ATP8B4: variants seen among roughly 807,000 people sequenced by gnomAD.
ATP8B4 encodes probable phospholipid-transporting ATPase IM.
In ATP8B4, 133 loss-of-function variants were observed where a neutral mutation model predicts 145.6. The ratio of observed to expected loss-of-function variants is 0.91; its 90% confidence interval spans 0.79 to 1.05. The LOEUF is 1.05. Ranked by LOEUF, ATP8B4 falls within the 50% of genes least tolerant of loss-of-function variation. ATP8B4 has a pLI of 0.00. For synonymous variants in ATP8B4, 507 were observed against 492.9 expected (o/e 1.03, Z -0.38); for missense variants, 1,458 against 1,425.2 (o/e 1.02, Z -0.37).
chr15:50,036,229 G>A (rs1300134468), intron 6 of ATP8B4, among the ~76,000 whole-genome samples: 1 of 152,148 alleles, frequency 6.6e-6, no homozygotes, highest in Non-Finnish European at 1.5e-5. Flanking sequence ...GAGGAAAGGG[G>A]AAGAAGCCAA....
intron 7 of ATP8B4, among the ~76,000 whole-genome samples, chr15:50,009,035 A>G (rs1420661538): frequency 6.6e-6 from 1 of 152,208 alleles, no homozygotes; most frequent in African/African-American, 2.4e-5. Context: ...GAATGCACAC[A>G]TCTTAGAATT....
intron 1 of ATP8B4, among the ~76,000 whole-genome samples, chr15:50,144,107 G>A (rs2044246339): frequency 6.6e-6 from 1 of 152,192 alleles, no homozygotes; most frequent in African/African-American, 2.4e-5. Context: ...CTAGGTCAGG[G>A]TTGTGCCTTA....
intron 1 of ATP8B4, among the ~76,000 whole-genome samples, chr15:50,116,572 A>AG (rs1244013582): frequency 6.6e-6 from 1 of 152,230 alleles, no homozygotes; most frequent in Admixed American, 6.5e-5. Flanking sequence ...AGTGAAGTCA[A>AG]GGGGGAATGA....
At chr15:49,960,609 T>C (rs1013808185) in intron 14 of ATP8B4, among the ~76,000 whole-genome samples, 25 of 152,182 alleles carry the variant, frequency 1.6e-4, no homozygotes, top group African/African-American at 6.0e-4. Flanking sequence ...GTGCTTTATA[T>C]CTAAGGCATA....
intron 14 of ATP8B4, among the ~76,000 whole-genome samples, chr15:49,937,491 A>G (rs1356411740): frequency 9.2e-5 from 14 of 152,168 alleles, no homozygotes; most frequent in Admixed American, 4.6e-4. Flanking sequence ...ATAGTTCACA[A>G]TATTTAAGGA....
rs2040147615 is a variant in ATP8B4 at position 49,920,373 on chromosome 15, G to T, written c.1796C>A (p.Ala599Glu). 1 of 1,614,056 alleles carries T rather than the reference G, an allele frequency of 6.2e-7. No homozygotes were observed. Among genetic ancestry groups the T allele is most frequent in the Admixed American group, 1.7e-5 (1 of 60,006 alleles). Residue 599 changes from alanine (A) to glutamate (E), a missense_variant, in exon 18 of 28, where the codon GCA (alanine) becomes GAA (glutamate). Coordinates refer to ENST00000284509, the MANE Select transcript of ATP8B4 (RefSeq NM_024837.4). ...GTACTTGTCATCCAGGTCTCTGTAT[G>T]CGATGGCCAAGGTCCGAAGGCCTTC... ...AGEGLRTLAI[A>E]YRDLDDKYFK... is the part of the protein sequence containing the mutation.
intron 20 of ATP8B4, among the ~76,000 whole-genome samples, chr15:49,913,396 T>C (rs1433642141): frequency 6.6e-6 from 1 of 152,076 alleles, no homozygotes; most frequent in African/African-American, 2.4e-5. Context: ...AATCCATATA[T>C]GACACCCACA....
intron 26 of ATP8B4, among the ~76,000 whole-genome samples, chr15:49,864,441 C>G (rs1024815842): frequency 6.6e-6 from 1 of 152,200 alleles, no homozygotes; most frequent in African/African-American, 2.4e-5. Context: ...ATGTTGGTCA[C>G]TGCGCATCTC....
intron 6 of ATP8B4, among the ~76,000 whole-genome samples, chr15:50,029,247 A>AAAAAAAAAAAC: frequency 6.7e-6 from 1 of 149,472 alleles, no homozygotes; most frequent in African/African-American, 2.5e-5. Flanking sequence ...TTAAAAAAAA[A>AAAAAAAAAAAC]AAAAAAAAAA....
intron 15 of ATP8B4, 107 bp from the exon 16 acceptor site, chr15:49,931,414 T>C: frequency 1.8e-6 from 2 of 1,091,446 alleles, no homozygotes; most frequent in Non-Finnish European, 2.6e-6. Flanking sequence ...AAGCATCAGG[T>C]CTAAAAATCT....
At chr15:49,957,955 C>G (rs1164737243) in intron 14 of ATP8B4, among the ~76,000 whole-genome samples, 1 of 151,608 alleles carries the variant, frequency 6.6e-6, no homozygotes, top group Non-Finnish European at 1.5e-5. Context: ...ACAGAGAATA[C>G]AAGTACTTTC....
At chr15:50,009,354 A>G (rs907463311) in intron 7 of ATP8B4, 1 of 154,830 alleles carries the variant, frequency 6.5e-6, no homozygotes, top group African/African-American at 2.4e-5. Flanking sequence ...TTGATGGAAC[A>G]TGGCACCAAG....
intron 14 of ATP8B4, among the ~76,000 whole-genome samples, chr15:49,947,907 T>C (rs2042720847): frequency 6.6e-6 from 1 of 151,928 alleles, no homozygotes; most frequent in Non-Finnish European, 1.5e-5. Flanking sequence ...TGAGGAAAAC[T>C]AGATATGCAC....
intron 23 of ATP8B4, chr15:49,896,164 A>G (rs2037374798): frequency 6.6e-6 from 1 of 152,170 alleles, no homozygotes; most frequent in Admixed American, 6.5e-5. Flanking sequence ...AGTAGCTAAA[A>G]TCAAGACTCT....
In ATP8B4 at chr15:49,972,584, TAGA is replaced by T; in HGVS notation, c.1238_1240del (p.Ile413_Tyr414delinsAsn). 1.2e-6 allele frequency: 2 copies of T among 1,611,408 alleles called. No homozygotes were observed. The highest frequency in any genetic ancestry group is 1.3e-5 in the African/African-American group (1 of 74,960). ...GAGAAAGGAACTGTTTCTCTTACCATAGATTCTCCCATTAATGGAACATCTTTT... is the reference window on the plus strand; with the variant it reads ...GAGAAAGGAACTGTTTCTCTTACCATTTCTCCCATTAATGGAACATCTTTT... On this transcript the variant is annotated inframe_deletion, in exon 13 of 28. Transcript: ENST00000284509.
chr15:49,917,977 G>GCCA (rs2039912810), intron 19 of ATP8B4, among the ~76,000 whole-genome samples: 1 of 152,098 alleles, frequency 6.6e-6, no homozygotes, highest in Non-Finnish European at 1.5e-5. Flanking sequence ...TATTTTTTGT[G>GCCA]ATCAATGATT....
At chr15:49,935,685 C>T (rs922195479) in intron 14 of ATP8B4, among the ~76,000 whole-genome samples, 1 of 152,070 alleles carries the variant, frequency 6.6e-6, no homozygotes, top group Non-Finnish European at 1.5e-5. Context: ...TCAGAAGGTA[C>T]ATCAAACGGT....
At chr15:50,038,519 A>G (rs1435183291) in intron 6 of ATP8B4, among the ~76,000 whole-genome samples, 2 of 152,234 alleles carry the variant, frequency 1.3e-5, no homozygotes, top group Admixed American at 6.5e-5. Flanking sequence ...ATGGAAAGTG[A>G]CAAAGATGTG....
intron 6 of ATP8B4, among the ~76,000 whole-genome samples, chr15:50,033,144 G>C (rs931525019): frequency 2.0e-5 from 3 of 152,158 alleles, no homozygotes; most frequent in Admixed American, 1.3e-4. Context: ...GTAAAAGAAA[G>C]CTCCTTCCTT....
Sources: gnomAD v4.1 joint callset for allele counts (sites outside exome capture counted in the v4.1 genomes callset) on GRCh38, gnomAD v4.1.1 for gene constraint, MANE v1.5 for transcripts, NCBI Gene and HGNC (gene_info 2026-07-23, HGNC 2026-07-21) for gene names.